The following PRICKLE1 variants were observed in gnomAD, a reference collection of about 807,000 sequenced individuals.
PRICKLE1 encodes the protein prickle-like protein 1.
In PRICKLE1, 14 loss-of-function variants were observed where a neutral mutation model predicts 70.2. That is an observed-to-expected ratio of 0.20 (90% CI 0.13 to 0.31). PRICKLE1 has a LOEUF of 0.31. PRICKLE1 is among the 10% of genes least tolerant of loss of function. The pLI is 1.00. For synonymous variants in PRICKLE1, 357 were observed against 379.9 expected, an observed-to-expected ratio of 0.94 and a Z score of 0.70; for missense variants, 821 against 1,026.2, an observed-to-expected ratio of 0.80 and a Z score of 2.73.
chr12:42,582,095 A>C (rs1940911230), intron 1 of PRICKLE1, among the ~76,000 whole-genome samples: 2 of 152,216 alleles, frequency 1.3e-5, no homozygotes, highest in South Asian at 4.1e-4. Flanking sequence ...CACTTTTGGC[A>C]GTACTTGAGG....
chr12:42,469,993 T>G (rs993119400), intron 3 of PRICKLE1: 3 of 515,230 alleles, frequency 5.8e-6, no homozygotes, highest in Non-Finnish European at 1.0e-5. Context: ...TCTCAGGAAT[T>G]TGTAGGTTCC....
intron 1 of PRICKLE1, among the ~76,000 whole-genome samples, chr12:42,505,863 G>A (rs1164360890): frequency 6.6e-6 from 1 of 152,102 alleles, no homozygotes; most frequent in Non-Finnish European, 1.5e-5. Context: ...TTTTGACTCA[G>A]TAACTCTGAA....
intron 1 of PRICKLE1, among the ~76,000 whole-genome samples, chr12:42,529,902 A>G (rs1239185886): frequency 6.6e-6 from 1 of 151,838 alleles, no homozygotes; most frequent in Non-Finnish European, 1.5e-5. Flanking sequence ...AAAAAAGGAA[A>G]AAGGAAGAAT....
At chr12:42,583,763 C>A (rs1566136482) in intron 1 of PRICKLE1, among the ~76,000 whole-genome samples, 1 of 152,146 alleles carries the variant, frequency 6.6e-6, no homozygotes, top group African/African-American at 2.4e-5. Context: ...CTGTTCAACC[C>A]AAAGAAGCAC....
At chr12:42,512,529 T>C (rs1177799959) in intron 1 of PRICKLE1, among the ~76,000 whole-genome samples, 1 of 152,164 alleles carries the variant, frequency 6.6e-6, no homozygotes, top group African/African-American at 2.4e-5. Context: ...AGTGTGCCTA[T>C]TATGTGTCTA....
intron 1 of PRICKLE1, among the ~76,000 whole-genome samples, chr12:42,494,125 G>C: frequency 6.6e-6 from 1 of 152,204 alleles, no homozygotes; most frequent in South Asian, 2.1e-4. Flanking sequence ...AAATGCTAAT[G>C]ATCATCTGAG....
rs531138105 is a variant in PRICKLE1, at chr12:42,534,429, T to C, written c.-49+55036A>G. ...GCCAGAGCTATTTCAGCCTTGGGCA[T>C]CCAGCACAGGGGCCAGCAACAGTGT... On this transcript the variant is annotated intron_variant, in intron 1 of 7. Coordinates refer to ENST00000345127, the MANE Select transcript of PRICKLE1 (RefSeq NM_153026.3). Among the ~76,000 whole-genome samples the C allele has an allele frequency of 4.6e-5, 7 of 152,316 alleles. No individual in the cohort carries two copies. The South Asian group carries it at 1.5e-3, about 32-fold the overall frequency.
intron 1 of PRICKLE1, among the ~76,000 whole-genome samples, chr12:42,533,663 T>C (rs2120560281): frequency 1.3e-5 from 2 of 152,242 alleles, no homozygotes; most frequent in Middle Eastern, 6.8e-3. Context: ...AACACCTCCT[T>C]GTACTGCCAT....
intron 1 of PRICKLE1, among the ~76,000 whole-genome samples, chr12:42,579,740 G>A (rs1655401651): frequency 1.3e-5 from 2 of 152,104 alleles, no homozygotes; most frequent in African/African-American, 4.8e-5. Context: ...GAGTTTTAAA[G>A]TTCTTCTTTT....
chr12:42,586,531 A>G (rs2120819552), intron 1 of PRICKLE1, among the ~76,000 whole-genome samples: 1 of 152,254 alleles, frequency 6.6e-6, no homozygotes, highest in South Asian at 2.1e-4. Context: ...GTCTTTCTTT[A>G]AAAGGAAAAA....
intron 1 of PRICKLE1, among the ~76,000 whole-genome samples, chr12:42,574,022 C>T (rs1351787638): frequency 6.6e-6 from 1 of 152,020 alleles, no homozygotes; most frequent in Non-Finnish European, 1.5e-5. Context: ...TTCAAGGAAC[C>T]AGGAACCCCA....
At chr12:42,507,641 A>G (rs1268910592) in intron 1 of PRICKLE1, among the ~76,000 whole-genome samples, 1 of 152,226 alleles carries the variant, frequency 6.6e-6, no homozygotes, top group Non-Finnish European at 1.5e-5. Context: ...ATTCTTCTGG[A>G]GGAACTAACC....
At chr12:42,468,455 G>A (rs1341052208) in intron 5 of PRICKLE1, among the ~76,000 whole-genome samples, 171 bp downstream of exon 5, 3 of 152,146 alleles carry the variant, frequency 2.0e-5, no homozygotes, top group Non-Finnish European at 4.4e-5. Context: ...AATTACTTTT[G>A]CAGCAACCAA....
chr12:42,465,457 A>G (rs1938058924), intron 6 of PRICKLE1, 199 bp from the exon 7 acceptor site: 2 of 599,572 alleles, frequency 3.3e-6, no homozygotes, highest in Admixed American at 6.4e-5. Flanking sequence ...CACAACTCCC[A>G]AACTAATATT....
Position 42,460,466 on chromosome 12 carries a change from T to C in PRICKLE1, c.1839A>G (p.Pro613=). 6.2e-7 allele frequency: 1 copy of C among 1,613,908 alleles called. No individual in the cohort carries two copies. The highest frequency in any genetic ancestry group is 1.6e-4 in the Middle Eastern group (1 of 6,062). ...CPEKILPEEK[P]VHLPVLRRSK... Reference sequence around the variant, plus strand: ...ACCTTCTGAGCACTGGCAGATGTACTGGCTTCTCTTCAGGCAGGATTTTCT... The same window carrying C: ...ACCTTCTGAGCACTGGCAGATGTACCGGCTTCTCTTCAGGCAGGATTTTCT... Residue 613 remains proline, a synonymous_variant, in exon 8 of 8, where the codon CCA becomes CCG. Coordinates refer to ENST00000345127, the MANE Select transcript of PRICKLE1 (RefSeq NM_153026.3).
chr12:42,522,409 G>A, intron 1 of PRICKLE1, among the ~76,000 whole-genome samples: 1 of 152,112 alleles, frequency 6.6e-6, no homozygotes, highest in Non-Finnish European at 1.5e-5. Context: ...GAAATCAGGG[G>A]TTTTAGGGCT....
chr12:42,569,582 T>C (rs548224895), intron 1 of PRICKLE1, among the ~76,000 whole-genome samples: 2 of 152,348 alleles, frequency 1.3e-5, no homozygotes, highest in African/African-American at 4.8e-5. Context: ...AGCTTGTATG[T>C]CATTCTTATG....
chr12:42,488,256 T>G (rs1026646502), intron 1 of PRICKLE1, among the ~76,000 whole-genome samples: 2 of 152,150 alleles, frequency 1.3e-5, no homozygotes, highest in African/African-American at 4.8e-5. Context: ...AAAGACTCAA[T>G]AGCTGATTAT....
chr12:42,528,739 C>A (rs1438065863), intron 1 of PRICKLE1, among the ~76,000 whole-genome samples: 1 of 152,062 alleles, frequency 6.6e-6, no homozygotes, highest in Non-Finnish European at 1.5e-5. Context: ...CACTGGATAT[C>A]CTCACAGTCA....
Sources: allele counts gnomAD v4.1 joint callset (sites outside exome capture counted in the v4.1 genomes callset), GRCh38; gene constraint gnomAD v4.1.1; transcripts MANE v1.5; gene names NCBI Gene and HGNC (gene_info 2026-07-23, HGNC 2026-07-21).